The following CD274 variants were observed in gnomAD, a reference collection of about 807,000 sequenced individuals.
The protein encoded by CD274 is CD274 molecule.
A neutral mutation model predicts 30.1 loss-of-function variants in CD274; 8 were observed. The observed-to-expected ratio is 0.27, with a 90% CI of 0.16 to 0.48. The LOEUF is 0.48. Among genes scored for constraint, CD274 ranks in the 20% least tolerant of loss-of-function variants. The probability of loss-of-function intolerance (pLI) is 0.99; values close to 1 mark genes in which losing one functional copy is unlikely to be tolerated. For missense variants in CD274, 353 were observed against 346.6 expected, an observed-to-expected ratio of 1.02 and a Z score of -0.15; for synonymous variants, 152 against 124.6, an observed-to-expected ratio of 1.22 and a Z score of -1.46.
At chr9:5,464,563 C>T (rs978627948) in intron 4 of CD274, among the ~76,000 whole-genome samples, 2 of 152,032 alleles carry the variant, frequency 1.3e-5, no homozygotes, top group African/African-American at 4.8e-5. Flanking sequence ...CCATGGGACC[C>T]CCTTTCCTCC....
At chr9:5,457,939 C>G (rs534451608) in intron 3 of CD274, among the ~76,000 whole-genome samples, 31 of 152,198 alleles carry the variant, frequency 2.0e-4, no homozygotes, top group African/African-American at 7.5e-4. Context: ...AGAACAAACC[C>G]CACTGTAAGG....
intron 5 of CD274, 42 bp downstream of exon 5, chr9:5,465,648 G>A (rs1819486144): frequency 8.4e-7 from 1 of 1,186,938 alleles, no homozygotes; most frequent in Non-Finnish European, 1.3e-6. Flanking sequence ...TGGGGGTGAG[G>A]AAGGGGTGAG....
intron 3 of CD274, 62 bp from the exon 4 acceptor site, chr9:5,462,772 C>G (rs2131222417): frequency 6.8e-7 from 1 of 1,461,146 alleles, no homozygotes; most frequent in Non-Finnish European, 9.4e-7. Context: ...TGGACAGCAT[C>G]AAGCTATGTA....
rs564509591 is a variant in CD274, at chr9:5,455,833, TG to T, written c.-14-264del. Among the ~76,000 whole-genome samples, 271 of 152,284 alleles carry T rather than the reference TG, an allele frequency of 1.8e-3. 1 individual carries two copies. The highest frequency in any genetic ancestry group is 6.0e-3 in the African/African-American group (249 of 41,562). On this transcript the variant is annotated intron_variant, in intron 1 of 6. Transcript: ENST00000381577. ...TATTATCTTCTTGGCTTCTTTTGAG[TG>T]GGCAGATTTTTTTCACGGCCTGTAA...
chr9:5,463,168 T>A (rs746422703), intron 4 of CD274, 47 bp downstream of exon 4: 3 of 1,401,806 alleles, frequency 2.1e-6, no homozygotes, highest in Non-Finnish European at 3.0e-6. Context: ...CACTGTCCCC[T>A]AGCACCTAGC....
chr9:5,462,806 C>A, intron 3 of CD274, 28 bp from the exon 4 acceptor site: 1 of 1,600,524 alleles, frequency 6.2e-7, no homozygotes, highest in Non-Finnish European at 8.5e-7. Context: ...TCAGCAAAAG[C>A]CCTGACTTCT....
intron 2 of CD274, 110 bp downstream of exon 2, chr9:5,456,275 T>C (rs1265791436): frequency 4.4e-6 from 3 of 680,088 alleles, no homozygotes; most frequent in Admixed American, 5.5e-5. Flanking sequence ...AGAGAGAACA[T>C]TCTATTCTTT....
intron 3 of CD274, among the ~76,000 whole-genome samples, chr9:5,460,889 G>A (rs1405363840): frequency 1.3e-5 from 2 of 152,122 alleles, no homozygotes; most frequent in Non-Finnish European, 2.9e-5. Flanking sequence ...TAATATATAA[G>A]TTGTATCATA....
chr9:5,467,170 C>T (rs1819510703), intron 6 of CD274, among the ~76,000 whole-genome samples: 1 of 150,740 alleles, frequency 6.6e-6, no homozygotes, highest in Non-Finnish European at 1.5e-5. Flanking sequence ...TGCACGGTAT[C>T]TCATTTAATC....
chr9:5,456,260 C>T, intron 2 of CD274, 95 bp downstream of exon 2: 1 of 769,650 alleles, frequency 1.3e-6, no homozygotes, highest in Non-Finnish European at 2.2e-6. Context: ...ATGCAATTTT[C>T]TTATAGAGAG....
chr9:5,452,950 A>G (rs1819233218), intron 1 of CD274, among the ~76,000 whole-genome samples: 1 of 152,108 alleles, frequency 6.6e-6, no homozygotes, highest in African/African-American at 2.4e-5. Context: ...TGTTTATAAT[A>G]CAATAATCAT....
At chr9:5,456,326 C>T (rs547469730) in intron 2 of CD274, among the ~76,000 whole-genome samples, 161 bp downstream of exon 2, 120 of 152,224 alleles carry the variant, frequency 7.9e-4, no homozygotes, top group African/African-American at 2.7e-3. Flanking sequence ...TTCTACTTTA[C>T]GCAATGATAA....
chr9:5,456,993 TA>T, intron 2 of CD274, 85 bp from the exon 3 acceptor site: 1 of 856,208 alleles, frequency 1.2e-6, no homozygotes, highest in Non-Finnish European at 1.8e-6. Flanking sequence ...ACCGACCAGA[TA>T]AAGTGATTTA....
chr9:5,452,326 T>C (rs1819221603), intron 1 of CD274, among the ~76,000 whole-genome samples: 1 of 152,196 alleles, frequency 6.6e-6, no homozygotes, highest in South Asian at 2.1e-4. Context: ...TGCTTAACTT[T>C]TTCTCTATCT....
In CD274 at chr9:5,470,086, C is replaced by T; in HGVS notation, c.*2224C>T. 1 of 233,122 alleles carries T rather than the reference C, an allele frequency of 4.3e-6. No homozygotes were observed. Among genetic ancestry groups the T allele is most frequent in the South Asian group, 1.8e-4 (1 of 5,520 alleles). The allele number at this position is 233,122 out of a possible 1,614,324, so 14.4% of individuals were successfully genotyped here. On this transcript the variant is annotated 3_prime_UTR_variant, in exon 7 of 7. Coordinates refer to ENST00000381577, the MANE Select transcript of CD274 (RefSeq NM_014143.4). The stretch of plus-strand genomic sequence containing the variant: ...CTGGAGGTTTCGAGATTCAGATGCC[C>T]TGGGAGATCCCAGAGTTTCCTTTCC...
chr9:5,456,500 A>G (rs754260278), intron 2 of CD274, among the ~76,000 whole-genome samples: 1 of 152,222 alleles, frequency 6.6e-6, no homozygotes, highest in South Asian at 2.1e-4. Context: ...AGATCCTTTG[A>G]TCTTTCAGTC....
At chr9:5,456,470 G>C (rs1033765001) in intron 2 of CD274, among the ~76,000 whole-genome samples, 2 of 152,146 alleles carry the variant, frequency 1.3e-5, no homozygotes, top group Non-Finnish European at 2.9e-5. Flanking sequence ...ACATTTATTT[G>C]TTTGCTTTCA....
chr9:5,468,050 C>A lies in CD274; in HGVS notation c.*188C>A. ...GGAGGAGAATGAAGAAAGATGGAGT[C>A]AAACAGGGAGCCTGGAGGGAGACCT... On this transcript the variant is annotated 3_prime_UTR_variant, in exon 7 of 7. Coordinates refer to ENST00000381577, the MANE Select transcript of CD274 (RefSeq NM_014143.4). The A allele has an allele frequency of 1.6e-6, 1 of 615,102 alleles. No homozygotes were observed. Among genetic ancestry groups the A allele is most frequent in the South Asian group, 2.0e-5 (1 of 49,584 alleles). The allele number at this position is 615,102 out of a possible 1,614,324, so 38.1% of individuals were successfully genotyped here. A position where few individuals can be genotyped will look rare whatever the true frequency, so the allele number is the denominator to read the frequency against.
At chr9:5,453,309 A>G (rs1189413631) in intron 1 of CD274, among the ~76,000 whole-genome samples, 2 of 152,228 alleles carry the variant, frequency 1.3e-5, no homozygotes, top group East Asian at 1.9e-4. Flanking sequence ...CCAAAAAATG[A>G]TCAGATCTTT....
Sources: gnomAD v4.1 joint callset for allele counts (sites outside exome capture counted in the v4.1 genomes callset) on GRCh38, gnomAD v4.1.1 for gene constraint, MANE v1.5 for transcripts, NCBI Gene and HGNC (gene_info 2026-07-23, HGNC 2026-07-21) for gene names.